Variants in ANKDD1B observed in about 807,000 individuals in gnomAD.
ANKDD1B encodes ankyrin repeat and death domain-containing protein 1B.
A neutral mutation model predicts 59.7 loss-of-function variants in ANKDD1B; 57 were observed. The ratio of observed to expected loss-of-function variants is 0.95; its 90% CI spans 0.77 to 1.19. The LOEUF (loss-of-function observed/expected upper bound fraction) is 1.19. Among genes scored for constraint, ANKDD1B ranks in the 50% most tolerant of loss-of-function variants. The pLI is 0.00. For missense variants in ANKDD1B, 602 were observed against 641.9 expected, an observed-to-expected ratio of 0.94 and a Z score of 0.67; for synonymous variants, 216 against 239.5, an observed-to-expected ratio of 0.90 and a Z score of 0.91.
intron 10 of ANKDD1B, among the ~76,000 whole-genome samples, chr5:75,661,070 G>GT (rs1250133953): frequency 2.7e-5 from 4 of 146,098 alleles, no homozygotes; most frequent in African/African-American, 5.3e-5. Context: ...CTAAAATTAG[G>GT]TTTTTTTGTT....
intron 10 of ANKDD1B, among the ~76,000 whole-genome samples, chr5:75,661,397 A>G (rs912089002): frequency 2.8e-4 from 1 of 3,634 alleles, no homozygotes; most frequent in Non-Finnish European, 9.9e-4. Context: ...ACTCCGTCTG[A>G]AAAAAAAAAA....
chr5:75,654,616 G>A (rs1561447281), intron 8 of ANKDD1B, among the ~76,000 whole-genome samples: 1 of 152,022 alleles, frequency 6.6e-6, no homozygotes, highest in Non-Finnish European at 1.5e-5. Context: ...GGAGTTTCAG[G>A]TTACAGTGAA....
chr5:75,661,132 C>T (rs545034507), intron 10 of ANKDD1B, among the ~76,000 whole-genome samples: 1 of 150,868 alleles, frequency 6.6e-6, no homozygotes, highest in East Asian at 1.9e-4. Flanking sequence ...GGCGCGGTGG[C>T]TCACACCTGT....
chr5:75,652,559 A>T (rs1774860760), intron 7 of ANKDD1B, among the ~76,000 whole-genome samples: 1 of 152,074 alleles, frequency 6.6e-6, no homozygotes, highest in South Asian at 2.1e-4. Context: ...CTCCCACCTC[A>T]GTCTCAGCCT....
intron 12 of ANKDD1B, among the ~76,000 whole-genome samples, chr5:75,668,257 C>CATGTTT (rs1775366084): frequency 6.6e-6 from 1 of 151,976 alleles, no homozygotes; most frequent in Non-Finnish European, 1.5e-5. Context: ...CTAAGCCATG[C>CATGTTT]ATGTTTGATG....
chr5:75,622,586 A>C (rs925663178), intron 3 of ANKDD1B, among the ~76,000 whole-genome samples: 5 of 152,210 alleles, frequency 3.3e-5, no homozygotes, highest in African/African-American at 1.2e-4. Context: ...AGTGGTGCTC[A>C]GAGGATAAAA....
intron 9 of ANKDD1B, among the ~76,000 whole-genome samples, chr5:75,656,542 C>T (rs1407973028): frequency 6.6e-6 from 1 of 152,134 alleles, no homozygotes; most frequent in African/African-American, 2.4e-5. Context: ...TTCTCTTTAC[C>T]TAAAGGCAAA....
intron 9 of ANKDD1B, among the ~76,000 whole-genome samples, chr5:75,658,279 A>C (rs1775027088): frequency 6.6e-6 from 1 of 152,168 alleles, no homozygotes; most frequent in Non-Finnish European, 1.5e-5. Flanking sequence ...CTCTGGTAGG[A>C]AGAGTAGTGG....
chr5:75,648,792 C>T (rs192851690), intron 7 of ANKDD1B, among the ~76,000 whole-genome samples: 97 of 152,218 alleles, frequency 6.4e-4, no homozygotes, highest in Middle Eastern at 3.4e-3. Context: ...CACACGAGCC[C>T]GGGATGGGTT....
intron 7 of ANKDD1B, among the ~76,000 whole-genome samples, chr5:75,644,375 T>G (rs1288135198): frequency 9.7e-6 from 1 of 102,626 alleles, no homozygotes; most frequent in Non-Finnish European, 1.7e-5. Context: ...GAGACACACA[T>G]AGGCTCAAAA....
chr5:75,663,296 G>C, intron 10 of ANKDD1B, 98 bp from the exon 11 acceptor site: 1 of 882,350 alleles, frequency 1.1e-6, no homozygotes, highest in South Asian at 1.5e-5. Context: ...GCATGGGCTG[G>C]TAGAATCAAG....
At chr5:75,649,345 A>G (rs1774758891) in intron 7 of ANKDD1B, among the ~76,000 whole-genome samples, 1 of 150,114 alleles carries the variant, frequency 6.7e-6, no homozygotes, top group Non-Finnish European at 1.5e-5. Flanking sequence ...AAAAAATGCA[A>G]CCTACAAATT....
rs1199099250 is a variant in ANKDD1B, at chr5:75,641,838, A to G, written c.798+5956A>G. Among the ~76,000 whole-genome samples, 6 of 152,370 alleles carry G rather than the reference A, an allele frequency of 3.9e-5. No individual in the cohort carries two copies. In the South Asian group the frequency reaches 1.2e-3, roughly 32 times the overall value. ...TCCTTTTAACCACACATGGAAAATT[A>G]TGTTAAGGAAATAATTTAAAAGGCA... On this transcript the variant is annotated intron_variant, in intron 7 of 13. Coordinates refer to ENST00000601380, the MANE Select transcript of ANKDD1B (RefSeq NM_001276713.2).
chr5:75,650,633 C>G (rs1472836444), intron 7 of ANKDD1B, among the ~76,000 whole-genome samples: 1 of 152,158 alleles, frequency 6.6e-6, no homozygotes, highest in Non-Finnish European at 1.5e-5. Context: ...GAGGCCCGTA[C>G]TTGACAGGCC....
chr5:75,615,884 A>G (rs763085154), intron 1 of ANKDD1B, among the ~76,000 whole-genome samples: 2 of 152,164 alleles, frequency 1.3e-5, no homozygotes, highest in Non-Finnish European at 2.9e-5. Flanking sequence ...AGCCCATAAC[A>G]ATATTTCCCA....
intron 8 of ANKDD1B, among the ~76,000 whole-genome samples, chr5:75,653,673 G>T (rs779852875): frequency 1.3e-5 from 2 of 152,122 alleles, no homozygotes; most frequent in African/African-American, 2.4e-5. Context: ...GTTTTCTGAC[G>T]TTTGAATTGG....
intron 12 of ANKDD1B, among the ~76,000 whole-genome samples, chr5:75,668,184 G>C (rs1252739605): frequency 1.3e-5 from 2 of 152,106 alleles, no homozygotes; most frequent in Non-Finnish European, 2.9e-5. Context: ...TGTTTCGATG[G>C]AACCTTTATG....
At chr5:75,664,582 C>T (rs1426028406) in intron 11 of ANKDD1B, among the ~76,000 whole-genome samples, 1 of 152,106 alleles carries the variant, frequency 6.6e-6, no homozygotes, top group Admixed American at 6.6e-5. Flanking sequence ...ACAACTTTGC[C>T]AAGTTCCATC....
At position 75,611,726 on chromosome 5, in the gene ANKDD1B, AC is replaced by A; in HGVS notation, c.94del (p.Leu32CysfsTer66). ...AAAAAKGLREDLWGAAALPWR... is the reference protein window; with the variant it reads ...AAAAAKGLREXLWGAAALPWR... Reference sequence around the variant, plus strand: ...GCGGCCGCCAAGGGTCTCAGGGAAGACCTGTGGGGCGCGGCCGCCCTGCCTT... The same window carrying A: ...GCGGCCGCCAAGGGTCTCAGGGAAGACTGTGGGGCGCGGCCGCCCTGCCTT... On this transcript the variant is annotated frameshift_variant, in exon 1 of 14. Coordinates refer to ENST00000601380, the MANE Select transcript of ANKDD1B (RefSeq NM_001276713.2). LOFTEE classifies it high-confidence loss of function. 8.1e-7 allele frequency: 1 copy of A among 1,231,586 alleles called. No homozygotes were observed. The highest frequency in any genetic ancestry group is 1.0e-6 in the Non-Finnish European group (1 of 987,950). The allele number at this position is 1,231,586 out of a possible 1,614,324, so 76.3% of individuals were successfully genotyped here.
Sources: allele counts gnomAD v4.1 joint callset (sites outside exome capture counted in the v4.1 genomes callset), GRCh38; gene constraint gnomAD v4.1.1; transcripts MANE v1.5; gene names NCBI Gene and HGNC (gene_info 2026-07-23, HGNC 2026-07-21).